The following KCNN2 variants were observed in gnomAD, a reference collection of about 807,000 sequenced individuals.
KCNN2 encodes the protein potassium calcium-activated channel subfamily N member 2.
In KCNN2, 24 loss-of-function variants were observed where a neutral mutation model predicts 55.5. The observed-to-expected ratio is 0.43, with a 90% CI of 0.31 to 0.61. KCNN2 has a LOEUF of 0.61. Ranked by LOEUF, KCNN2 falls within the 20% of genes least tolerant of loss-of-function variation. KCNN2 has a pLI of 0.08. For missense variants in KCNN2, 754 were observed against 853.6 expected, an observed-to-expected ratio of 0.88 and a Z score of 1.45; for synonymous variants, 431 against 336.1, an observed-to-expected ratio of 1.28 and a Z score of -3.09.
At chr5:114,364,575 A>G (rs1313567983) in intron 2 of KCNN2, among the ~76,000 whole-genome samples, 2 of 152,068 alleles carry the variant, frequency 1.3e-5, no homozygotes, top group Non-Finnish European at 2.9e-5. Flanking sequence ...AGTATTTTTT[A>G]AAATGTAATT....
Position 114,362,711 on chromosome 5 carries a change from C to G in KCNN2, c.572C>G (p.Pro191Arg). Residue 191 changes from proline (P) to arginine (R), a missense_variant, in exon 1 of 8, where the codon CCG becomes CGG. Pro to Arg is a moderately radical substitution (Grantham distance 103). Coordinates refer to ENST00000673685, the MANE Select transcript of KCNN2 (RefSeq NM_021614.4). ...TCGCACCACCACCACCACCCGCACC[C>G]GGCGCACCACCAGCACCACCAGCCC... ...PLSHHHHHPH[P>R]AHHQHHQPQA... The G allele has an allele frequency of 1.3e-6, 2 of 1,498,788 alleles. No homozygotes were observed. The highest frequency in any genetic ancestry group is 4.5e-5 in the Admixed American group (2 of 44,404). 92.8% of individuals were successfully genotyped at this position (1,498,788 alleles called of 1,614,324 possible).
chr5:114,119,876 G>A (rs1350703673), intron 1 of KCNN2, among the ~76,000 whole-genome samples: 3 of 152,194 alleles, frequency 2.0e-5, no homozygotes, highest in Admixed American at 6.5e-5. Flanking sequence ...GACTTACTAT[G>A]TCTTGGTGTC....
At chr5:114,286,355 A>T (rs1056434575) in intron 2 of KCNN2, among the ~76,000 whole-genome samples, 9 of 152,172 alleles carry the variant, frequency 5.9e-5, no homozygotes, top group Non-Finnish European at 4.4e-5. Context: ...GATGCTCAAC[A>T]TGTTAGTCTG....
At chr5:114,240,496 T>A (rs970490560) in intron 2 of KCNN2, among the ~76,000 whole-genome samples, 1 of 151,622 alleles carries the variant, frequency 6.6e-6, no homozygotes, top group African/African-American at 2.4e-5. Flanking sequence ...AGTGGCATGA[T>A]CTCGACTCAC....
At chr5:114,347,276 T>G (rs943881066) in intron 2 of KCNN2, among the ~76,000 whole-genome samples, 2 of 152,220 alleles carry the variant, frequency 1.3e-5, no homozygotes, top group Non-Finnish European at 2.9e-5. Flanking sequence ...AGATACTTAC[T>G]AACTGTGGAG....
chr5:114,200,094 G>C (rs1034107762), intron 1 of KCNN2, among the ~76,000 whole-genome samples: 2 of 152,032 alleles, frequency 1.3e-5, no homozygotes, highest in African/African-American at 4.8e-5. Flanking sequence ...TATTTTTTTA[G>C]ATATATATTC....
intron 4 of KCNN2, among the ~76,000 whole-genome samples, chr5:114,471,715 T>C (rs555745985): frequency 6.6e-6 from 1 of 152,340 alleles, no homozygotes; most frequent in African/African-American, 2.4e-5. Flanking sequence ...GCACTTTCTT[T>C]CTGAGGATAC....
chr5:114,178,359 C>T (rs540918510), intron 1 of KCNN2, among the ~76,000 whole-genome samples: 2 of 152,242 alleles, frequency 1.3e-5, no homozygotes, highest in East Asian at 3.9e-4. Flanking sequence ...AGAATGTGTC[C>T]ATCTGAAGAT....
chr5:114,278,953 A>G (rs368778902), intron 2 of KCNN2, among the ~76,000 whole-genome samples: 22 of 152,096 alleles, frequency 1.4e-4, no homozygotes, highest in East Asian at 7.7e-4. Context: ...TTCTGCATCA[A>G]TCTCCCTGGG....
rs766178912 is a variant in KCNN2 at position 114,404,868 on chromosome 5, T to G, written c.1637+12T>G. 6.3e-7 allele frequency: 1 copy of G among 1,593,162 alleles called. No homozygotes were observed. Among genetic ancestry groups the G allele is most frequent in the Admixed American group, 1.7e-5 (1 of 57,500 alleles). The stretch of plus-strand genomic sequence containing the variant: ...CGAGCTTGTGAAAGGTAAGTTTGTT[T>G]CTTTTCCTGAGAACATAATTTACCA... On this transcript the variant is annotated intron_variant, in intron 3 of 7. Transcript: ENST00000673685.
At chr5:114,057,510 C>G (rs1180932971) in intron 1 of KCNN2, among the ~76,000 whole-genome samples, 2 of 152,206 alleles carry the variant, frequency 1.3e-5, no homozygotes, top group African/African-American at 2.4e-5. Flanking sequence ...CATATTCATC[C>G]ATTCCCTCTG....
At chr5:114,339,945 C>G (rs1301517836) in intron 2 of KCNN2, among the ~76,000 whole-genome samples, 2 of 152,068 alleles carry the variant, frequency 1.3e-5, no homozygotes, top group African/African-American at 4.8e-5. Flanking sequence ...AGAGTAAAAA[C>G]AACAGGCAAG....
intron 1 of KCNN2, among the ~76,000 whole-genome samples, chr5:114,206,828 G>A (rs541620177): frequency 6.6e-6 from 1 of 151,900 alleles, no homozygotes; most frequent in African/African-American, 2.4e-5. Context: ...ATTTACAAAG[G>A]TCTAGCCCCA....
chr5:114,197,053 A>G (rs1052193387), intron 1 of KCNN2, among the ~76,000 whole-genome samples: 1 of 152,050 alleles, frequency 6.6e-6, no homozygotes, highest in Non-Finnish European at 1.5e-5. Flanking sequence ...ATTTTCATTC[A>G]TTCTGAAATA....
At chr5:114,205,371 T>A (rs1753746980) in intron 1 of KCNN2, among the ~76,000 whole-genome samples, 2 of 152,272 alleles carry the variant, frequency 1.3e-5, no homozygotes. Context: ...GATTTTTTAA[T>A]ATGCTGCCTA....
At chr5:114,252,830 G>T (rs544906833) in intron 2 of KCNN2, among the ~76,000 whole-genome samples, 1 of 152,176 alleles carries the variant, frequency 6.6e-6, no homozygotes, top group South Asian at 2.1e-4. Context: ...AAGATGACAT[G>T]TGGATGGCCA....
intron 3 of KCNN2, among the ~76,000 whole-genome samples, chr5:114,417,095 A>G (rs1456075622): frequency 6.6e-6 from 1 of 152,244 alleles, no homozygotes; most frequent in African/African-American, 2.4e-5. Context: ...GCCAGAGGGC[A>G]TCTTACGAAA....
At chr5:114,350,831 C>T (rs1213079316) in intron 2 of KCNN2, among the ~76,000 whole-genome samples, 2 of 151,858 alleles carry the variant, frequency 1.3e-5, no homozygotes, top group East Asian at 3.9e-4. Context: ...TATGTTATGC[C>T]ATTACCACAC....
intron 1 of KCNN2, among the ~76,000 whole-genome samples, chr5:114,157,662 C>T (rs1022204799): frequency 6.6e-6 from 1 of 152,174 alleles, no homozygotes; most frequent in African/African-American, 2.4e-5. Flanking sequence ...TCCTCTCCAG[C>T]ACCTGTTGTT....
Sources: allele counts gnomAD v4.1 joint callset (sites outside exome capture counted in the v4.1 genomes callset), GRCh38; gene constraint gnomAD v4.1.1; transcripts MANE v1.5; gene names NCBI Gene and HGNC (gene_info 2026-07-23, HGNC 2026-07-21).